SHOC1: variants seen among roughly 807,000 people sequenced by gnomAD.
SHOC1 encodes the protein protein shortage in chiasmata 1 ortholog.
Under a neutral mutation model 179.2 loss-of-function variants are expected in SHOC1, and 136 were observed. That is an observed-to-expected ratio of 0.76 (90% confidence interval 0.66 to 0.87). The LOEUF (loss-of-function observed/expected upper bound fraction) is 0.87. SHOC1 is among the 40% of genes least tolerant of loss of function. The probability of loss-of-function intolerance (pLI) is 0.00; values close to 1 mark genes in which losing one functional copy is unlikely to be tolerated. For synonymous variants in SHOC1, 489 were observed against 586.6 expected (o/e 0.83, Z 2.41); for missense variants, 1,538 against 1,700.8 (o/e 0.90, Z 1.68).
chr9:111,763,799 C>T (rs1223508315), intron 5 of SHOC1, among the ~76,000 whole-genome samples: 3 of 152,098 alleles, frequency 2.0e-5, no homozygotes, highest in Non-Finnish European at 4.4e-5. Context: ...TGTTCTAGAA[C>T]TAAAATCCCC....
intron 8 of SHOC1, among the ~76,000 whole-genome samples, chr9:111,752,114 CG>C (rs1834618738): frequency 6.6e-6 from 1 of 152,142 alleles, no homozygotes; most frequent in East Asian, 1.9e-4. Context: ...TGACATATTT[CG>C]TACTAGCTGG....
chr9:111,789,752 C>T (rs1044521628), intron 2 of SHOC1, among the ~76,000 whole-genome samples: 1 of 151,488 alleles, frequency 6.6e-6, no homozygotes, highest in Non-Finnish European at 1.5e-5. Context: ...ATATCGTGGG[C>T]AAAAAAAAGT....
At chr9:111,703,723 T>A (rs1250644691) in intron 22 of SHOC1, among the ~76,000 whole-genome samples, 158 bp downstream of exon 22, 2 of 152,184 alleles carry the variant, frequency 1.3e-5, no homozygotes, top group Non-Finnish European at 2.9e-5. Flanking sequence ...TTGATAATAG[T>A]CATTTTCCAC....
At chr9:111,755,200 G>GC (rs35135460) in intron 8 of SHOC1, among the ~76,000 whole-genome samples, 122,297 of 152,072 alleles carry the variant, frequency 0.8, 49,347 homozygotes, top group East Asian at 0.92. Context: ...CTTTACATTT[G>GC]ATTTACGGAG....
chr9:111,722,274 G>T (rs1833088191), intron 15 of SHOC1, 135 bp downstream of exon 15: 3 of 713,826 alleles, frequency 4.2e-6, no homozygotes, highest in Non-Finnish European at 4.3e-6. Context: ...GTTTGGCTGG[G>T]TATCACAAGC....
At chr9:111,749,486 T>A (rs1834462693) in intron 8 of SHOC1, among the ~76,000 whole-genome samples, 3 of 152,202 alleles carry the variant, frequency 2.0e-5, no homozygotes, top group Non-Finnish European at 1.5e-5. Flanking sequence ...TTTTTTATTT[T>A]TTTTTTCTCT....
chr9:111,689,964 T>C (rs898379236), intron 27 of SHOC1, among the ~76,000 whole-genome samples: 5 of 152,186 alleles, frequency 3.3e-5, no homozygotes, highest in South Asian at 2.1e-4. Flanking sequence ...TTCACATGTG[T>C]ATTTTGTTTC....
chr9:111,769,212 T>C (rs1203916339), intron 5 of SHOC1, among the ~76,000 whole-genome samples: 1 of 152,186 alleles, frequency 6.6e-6, no homozygotes, highest in Non-Finnish European at 1.5e-5. Flanking sequence ...GGTCTGTAGT[T>C]TTCTTTTTTC....
intron 3 of SHOC1, among the ~76,000 whole-genome samples, chr9:111,785,583 G>A (rs1451553207): frequency 3.3e-5 from 5 of 152,088 alleles, no homozygotes; most frequent in Admixed American, 2.6e-4. Context: ...TATATTCGGT[G>A]TGCCATTACA....
intron 2 of SHOC1, among the ~76,000 whole-genome samples, chr9:111,789,073 A>T (rs909496892): frequency 1.7e-4 from 26 of 152,288 alleles, no homozygotes; most frequent in Admixed American, 1.0e-3. Context: ...GCCCTTCCCC[A>T]GTGATTCTAA....
chr9:111,794,288 AAAAT>A (rs1428388207), intron 1 of SHOC1, among the ~76,000 whole-genome samples: 2 of 119,924 alleles, frequency 1.7e-5, no homozygotes, highest in Non-Finnish European at 3.9e-5. Context: ...TAAAAAAAAA[AAAAT>A]AATAAGATCC....
At position 111,775,918 on chromosome 9, in the gene SHOC1, T is replaced by G; in HGVS notation, c.315A>C (p.Pro105=). 1 of 1,613,758 alleles carries G rather than the reference T, an allele frequency of 6.2e-7. No homozygotes were observed. The highest frequency in any genetic ancestry group is 8.5e-7 in the Non-Finnish European group (1 of 1,179,840). The change falls in exon 5 of 28, where the codon CCA becomes CCC. Residue 105 remains proline, a synonymous_variant. Coordinates refer to ENST00000682961, the MANE Select transcript of SHOC1 (RefSeq NM_001378211.1). ...CAATTTGGGAGTCTGGATTTGAACT[T>G]GGAACAACTTCCTCAAATTCACAAT... ...QINCEFEEVV[P]SSNPDSQIEV...
chr9:111,699,088 T>C (rs1011853781), intron 24 of SHOC1, among the ~76,000 whole-genome samples: 1 of 152,110 alleles, frequency 6.6e-6, no homozygotes, highest in Non-Finnish European at 1.5e-5. Context: ...GGAAATGTAA[T>C]TGGTGTCTAT....
intron 17 of SHOC1, among the ~76,000 whole-genome samples, chr9:111,713,747 A>C (rs763996525): frequency 1.3e-5 from 2 of 152,192 alleles, no homozygotes; most frequent in Non-Finnish European, 2.9e-5. Flanking sequence ...CTGCTTGATA[A>C]GATTTTAAAA....
intron 15 of SHOC1, 117 bp downstream of exon 15, chr9:111,722,292 C>T (rs1833088942): frequency 3.4e-6 from 3 of 886,024 alleles, no homozygotes; most frequent in Non-Finnish European, 1.7e-6. Flanking sequence ...AGCTGAATTA[C>T]AGTCATGCCA....
rs572349891 is a variant in SHOC1, at chr9:111,733,614, T to C, written c.1417+4666A>G. Among the ~76,000 whole-genome samples, 362 of 152,354 alleles carry C rather than the reference T, an allele frequency of 2.4e-3. 1 individual carries two copies. The highest frequency in any genetic ancestry group is 7.9e-3 in the African/African-American group (327 of 41,588). On this transcript the variant is annotated intron_variant, in intron 12 of 27. Coordinates refer to ENST00000682961, the MANE Select transcript of SHOC1 (RefSeq NM_001378211.1). ...TGGGCACGGTGGCTCATGCCTATAA[T>C]CCCAGCACTTTGGGATGCCAAGGCG...
At chr9:111,781,104 G>T in intron 3 of SHOC1, 87 bp from the exon 4 acceptor site, 2 of 864,712 alleles carry the variant, frequency 2.3e-6, no homozygotes, top group Non-Finnish European at 1.8e-6. Flanking sequence ...TTTACATTAT[G>T]ATTTTATCTT....
chr9:111,728,347 C>T (rs1833404006), intron 12 of SHOC1, among the ~76,000 whole-genome samples: 1 of 152,138 alleles, frequency 6.6e-6, no homozygotes, highest in African/African-American at 2.4e-5. Flanking sequence ...AACAGTTACT[C>T]CATGGGTCAA....
intron 2 of SHOC1, 55 bp from the exon 3 acceptor site, chr9:111,786,090 T>A (rs1324187350): frequency 1.7e-6 from 2 of 1,170,394 alleles, no homozygotes; most frequent in Non-Finnish European, 2.3e-6. Context: ...TTATCAATAT[T>A]CAGAATATAT....
Sources: allele counts gnomAD v4.1 joint callset (sites outside exome capture counted in the v4.1 genomes callset), GRCh38; gene constraint gnomAD v4.1.1; transcripts MANE v1.5; gene names NCBI Gene and HGNC (gene_info 2026-07-23, HGNC 2026-07-21).